TMEM182: variants seen among roughly 807,000 people sequenced by gnomAD.
TMEM182 encodes the protein transmembrane protein 182.
TMEM182 carries 20 observed loss-of-function variants against 26.8 expected under a neutral mutation model. That is an observed-to-expected ratio of 0.75 (90% CI 0.53 to 1.09). TMEM182 has a LOEUF of 1.09. TMEM182 is among the 50% of genes least tolerant of loss of function. TMEM182 has a pLI of 0.00. For missense variants in TMEM182, 277 were observed against 275.5 expected (o/e 1.01, Z -0.04); for synonymous variants, 109 against 102.2 (o/e 1.07, Z -0.40).
chr2:102,764,048 AC>A (rs1293328828), intron 2 of TMEM182, among the ~76,000 whole-genome samples: 1 of 152,170 alleles, frequency 6.6e-6, no homozygotes, highest in Admixed American at 6.5e-5. Context: ...GAAATGTGGT[AC>A]CTTAAATCGT....
chr2:102,752,173 A>G (rs1679892795), intron 1 of TMEM182, among the ~76,000 whole-genome samples: 2 of 152,192 alleles, frequency 1.3e-5, no homozygotes, highest in Non-Finnish European at 2.9e-5. Flanking sequence ...AGTTGTCTCA[A>G]TTTCCTCATC....
intron 3 of TMEM182, among the ~76,000 whole-genome samples, chr2:102,765,426 G>A (rs1680392825): frequency 6.6e-6 from 1 of 152,066 alleles, no homozygotes; most frequent in African/African-American, 2.4e-5. Context: ...TCATAGTATG[G>A]GGTAGGGGGT....
chr2:102,826,544 CA>C (rs1460204921), intron 3 of TMEM182, among the ~76,000 whole-genome samples: 2 of 152,096 alleles, frequency 1.3e-5, no homozygotes, highest in African/African-American at 4.8e-5. Flanking sequence ...GTATCTGACA[CA>C]AAATAAGTGC....
intron 3 of TMEM182, among the ~76,000 whole-genome samples, chr2:102,782,425 C>T (rs1023189424): frequency 6.6e-6 from 1 of 151,570 alleles, no homozygotes; most frequent in Admixed American, 6.6e-5. Flanking sequence ...ATTATTAATA[C>T]CACAATAAAT....
At chr2:102,773,500 G>A (rs967413951) in intron 3 of TMEM182, among the ~76,000 whole-genome samples, 1 of 148,718 alleles carries the variant, frequency 6.7e-6, no homozygotes, top group African/African-American at 2.5e-5. Context: ...CAAAGGCTCA[G>A]AGGTCAGGGC....
intron 3 of TMEM182, among the ~76,000 whole-genome samples, chr2:102,839,471 A>ATATATATATATATAT (rs1553446276): frequency 1.5e-5 from 2 of 134,864 alleles, no homozygotes; most frequent in East Asian, 2.1e-4. Context: ...ATATATATAT[A>ATATATATATATATAT]ATATATACAC....
intron 3 of TMEM182, among the ~76,000 whole-genome samples, chr2:102,788,507 A>T (rs1378042896): frequency 1.5e-5 from 2 of 135,746 alleles, no homozygotes; most frequent in Non-Finnish European, 3.1e-5. Context: ...CAGCTGTTTC[A>T]AAGTTGCATT....
intron 3 of TMEM182, among the ~76,000 whole-genome samples, chr2:102,772,797 C>T (rs556059719): frequency 2.4e-4 from 37 of 152,260 alleles, no homozygotes; most frequent in Non-Finnish European, 4.3e-4. Flanking sequence ...TTGGCGGAGT[C>T]GTTGCCATGT....
chr2:102,821,910 C>T (rs182924567), downstream of TMEM182, among the ~76,000 whole-genome samples: 1 of 151,704 alleles, frequency 6.6e-6, no homozygotes, highest in African/African-American at 2.4e-5. Context: ...ATGGCGTGAA[C>T]CCGGGAGGCA....
intron 3 of TMEM182, among the ~76,000 whole-genome samples, chr2:102,833,927 G>T (rs1246907386): frequency 6.6e-6 from 1 of 152,200 alleles, no homozygotes; most frequent in African/African-American, 2.4e-5. Context: ...TATTTCTGGT[G>T]ATGGCACCAT....
chr2:102,791,891 C>A (rs998275735), intron 3 of TMEM182, among the ~76,000 whole-genome samples: 16 of 152,008 alleles, frequency 1.1e-4, no homozygotes, highest in African/African-American at 3.9e-4. Flanking sequence ...AACAAGAAAA[C>A]CAACTCAGTT....
chr2:102,776,778 T>G (rs1680934003), intron 3 of TMEM182, among the ~76,000 whole-genome samples: 1 of 152,204 alleles, frequency 6.6e-6, no homozygotes, highest in East Asian at 1.9e-4. Flanking sequence ...CAGTAATGAA[T>G]GAGTTACTGT....
chr2:102,784,766 T>C (rs1681317792), intron 3 of TMEM182, among the ~76,000 whole-genome samples: 1 of 152,216 alleles, frequency 6.6e-6, no homozygotes, highest in Admixed American at 6.5e-5. Flanking sequence ...GGTAACTTGC[T>C]GACGTTGCCA....
downstream of TMEM182, among the ~76,000 whole-genome samples, chr2:102,818,771 T>TATCTATCTATC (rs1483504450): frequency 6.6e-6 from 1 of 152,146 alleles, no homozygotes; most frequent in Non-Finnish European, 1.5e-5. Context: ...TCTATCTATC[T>TATCTATCTATC]ATCTATCTAT....
chr2:102,828,268 T>G (rs982241446), intron 3 of TMEM182, among the ~76,000 whole-genome samples: 1 of 152,092 alleles, frequency 6.6e-6, no homozygotes, highest in African/African-American at 2.4e-5. Context: ...TCTCAGGAGA[T>G]CACATGTAAC....
At chr2:102,750,210 G>A (rs1025579810) in intron 1 of TMEM182, among the ~76,000 whole-genome samples, 17 of 152,098 alleles carry the variant, frequency 1.1e-4, no homozygotes, top group African/African-American at 4.1e-4. Flanking sequence ...TGGTCTGCTA[G>A]TGAAAGCAGA....
chr2:102,764,955 T>TA, intron 3 of TMEM182, among the ~76,000 whole-genome samples: 1 of 152,108 alleles, frequency 6.6e-6, no homozygotes, highest in African/African-American at 2.4e-5. Flanking sequence ...ATCATTAACT[T>TA]AAAATCACAT....
intron 3 of TMEM182, chr2:102,834,363 T>C (rs1048216034): frequency 1.0e-6 from 1 of 984,814 alleles, no homozygotes; most frequent in Non-Finnish European, 1.2e-6. Flanking sequence ...ACATTTCCCT[T>C]TTTTTTTCCT....
In TMEM182 at chr2:102,814,959, A is replaced by G. The variant is rs753815427; in HGVS notation, c.681A>G (p.Ile227Met). ...LFLVVGWHIQ[I>M]HH is the part of the protein sequence containing the mutation. ...TGGTTGTTGGATGGCATATTCAGAT[A>G]CATCACTAAATCAACTGTTGCCACA... is the stretch of plus-strand genomic sequence containing the variant. The change falls in exon 5 of 5, where the codon ATA becomes ATG. Residue 227 changes from isoleucine to methionine, a missense_variant. Physicochemically the swap from Ile to Met is conservative, Grantham distance 10 (BLOSUM62 1). Coordinates refer to ENST00000412401, the MANE Select transcript of TMEM182 (RefSeq NM_144632.5). 3.7e-6 allele frequency: 6 copies of G among 1,613,856 alleles called. No individual in the cohort carries two copies. The highest frequency in any genetic ancestry group is 1.7e-4 in the Middle Eastern group (1 of 6,060).
Sources: allele counts gnomAD v4.1 joint callset (sites outside exome capture counted in the v4.1 genomes callset), GRCh38; gene constraint gnomAD v4.1.1; transcripts MANE v1.5; gene names NCBI Gene and HGNC (gene_info 2026-07-23, HGNC 2026-07-21).